The following HAPSTR1 variants were observed in gnomAD, a reference collection of about 807,000 sequenced individuals.
HAPSTR1 encodes HUWE1 associated protein modifying stress responses, also known as HUWE1-associated protein modifying stress responses 1.
chr16:9,110,478 A>G, the HAPSTR1 span: 3 of 152,286 alleles, frequency 2.0e-5, no homozygotes, highest in African/African-American at 7.2e-5. Context: ...AGATTTTTGT[A>G]CCTTTCGTTT....
At chr16:9,099,936 A>C in the HAPSTR1 span, among the ~76,000 whole-genome samples, 1 of 152,240 alleles carries the variant, frequency 6.6e-6, no homozygotes, top group Non-Finnish European at 1.5e-5. Context: ...TTCACCATTT[A>C]CATGGGACTT....
chr16:9,100,287 C>T, the HAPSTR1 span, among the ~76,000 whole-genome samples: 161 of 152,298 alleles, frequency 1.1e-3, no homozygotes, highest in Non-Finnish European at 1.9e-3. Flanking sequence ...AGCCAGGCCA[C>T]TAGTGATTAC....
the HAPSTR1 span, among the ~76,000 whole-genome samples, chr16:9,097,341 C>A: frequency 6.6e-6 from 1 of 151,522 alleles, no homozygotes; most frequent in African/African-American, 2.4e-5. Context: ...CTTCCAGGCT[C>A]AAGTGATCCT....
chr16:9,093,216 C>T, the HAPSTR1 span, among the ~76,000 whole-genome samples: 1 of 152,094 alleles, frequency 6.6e-6, no homozygotes, highest in Non-Finnish European at 1.5e-5. Flanking sequence ...CGCCTGGGGA[C>T]GTTTTTGGTT....
the HAPSTR1 span, among the ~76,000 whole-genome samples, chr16:9,114,000 C>T: frequency 7.2e-5 from 11 of 152,202 alleles, no homozygotes; most frequent in African/African-American, 1.2e-4. Flanking sequence ...TTTCAGAATT[C>T]GTAAGTGCCA....
At chr16:9,118,179 A>C in the HAPSTR1 span, 1 of 152,602 alleles carries the variant, frequency 6.6e-6, no homozygotes, top group African/African-American at 2.4e-5. Context: ...TGAAGAACTG[A>C]TGTCAGCCTG....
At chr16:9,093,107 C>T in the HAPSTR1 span, 1 of 1,082,834 alleles carries the variant, frequency 9.2e-7, no homozygotes, top group South Asian at 1.4e-5. Context: ...CAGCTGCTAA[C>T]CTTGAATACC....
chr16:9,110,638 C>A, the HAPSTR1 span: 1 of 152,222 alleles, frequency 6.6e-6, no homozygotes, highest in Non-Finnish European at 1.5e-5. Flanking sequence ...CTCTGTGTCT[C>A]GCCCCTTTGG....
At chr16:9,092,440 G>A in the HAPSTR1 span, among the ~76,000 whole-genome samples, 1 of 152,030 alleles carries the variant, frequency 6.6e-6, no homozygotes, top group African/African-American at 2.4e-5. Flanking sequence ...TGGCGCCGCG[G>A]GAGGGAGGCC....
the HAPSTR1 span, chr16:9,109,791 A>AT: frequency 6.6e-6 from 1 of 151,716 alleles, no homozygotes; most frequent in Non-Finnish European, 1.5e-5. Context: ...AGGAAAAAAA[A>AT]CTTTTTTTTT....
At chr16:9,093,842 ATTTT>A in the HAPSTR1 span, among the ~76,000 whole-genome samples, 2 of 146,086 alleles carry the variant, frequency 1.4e-5, no homozygotes, top group Admixed American at 1.4e-4. Context: ...TTTGGGGTTG[ATTTT>A]TTTTTTTGGC....
the HAPSTR1 span, among the ~76,000 whole-genome samples, chr16:9,115,651 T>G: frequency 1.3e-5 from 2 of 152,172 alleles, no homozygotes; most frequent in African/African-American, 4.8e-5. Flanking sequence ...AGACGGAGTT[T>G]CGCTCTTGTC....
the HAPSTR1 span, among the ~76,000 whole-genome samples, chr16:9,092,725 C>G: frequency 1.1e-4 from 16 of 152,130 alleles, no homozygotes; most frequent in African/African-American, 3.9e-4. Context: ...TCCCCTTTTC[C>G]CCGCCGCGAC....
At chr16:9,106,961 T>G in the HAPSTR1 span, 3 of 152,266 alleles carry the variant, frequency 2.0e-5, no homozygotes, top group Admixed American at 6.5e-5. Flanking sequence ...ATCCCTTTTC[T>G]AGAGCTTCTC....
chr16:9,095,217 C>T, the HAPSTR1 span, among the ~76,000 whole-genome samples: 3 of 152,080 alleles, frequency 2.0e-5, no homozygotes, highest in African/African-American at 7.2e-5. Flanking sequence ...GCAACGTTTT[C>T]TTATTTGATT....
the HAPSTR1 span, chr16:9,117,258 T>G: frequency 4.7e-6 from 1 of 214,694 alleles, no homozygotes; most frequent in Non-Finnish European, 9.2e-6. Context: ...GGTTATAGAA[T>G]GCTTTTTTTT....
At chr16:9,120,327 TCTAGCCTCC>T in the HAPSTR1 span, 1 of 152,264 alleles carries the variant, frequency 6.6e-6, no homozygotes, top group African/African-American at 2.4e-5. Flanking sequence ...AAGGCCAGCT[TCTAGCCTCC>T]CTTTGGAATA....
At chr16:9,097,391 A>G in the HAPSTR1 span, among the ~76,000 whole-genome samples, 2 of 151,664 alleles carry the variant, frequency 1.3e-5, no homozygotes, top group Non-Finnish European at 2.9e-5. Flanking sequence ...ACAGGCACCC[A>G]TCACCATGCC....
the HAPSTR1 span, among the ~76,000 whole-genome samples, chr16:9,100,911 C>T: frequency 6.6e-6 from 1 of 152,092 alleles, no homozygotes; most frequent in Non-Finnish European, 1.5e-5. Context: ...ACTTTTTTTC[C>T]TCTGTTTCTG....
Sources: allele counts gnomAD v4.1 joint callset (sites outside exome capture counted in the v4.1 genomes callset), GRCh38; gene constraint gnomAD v4.1.1; transcripts MANE v1.5; gene names NCBI Gene and HGNC (gene_info 2026-07-23, HGNC 2026-07-21).